The following LPAR3 variants were observed in gnomAD, a reference collection of about 807,000 sequenced individuals.
LPAR3 encodes the protein LPA receptor 3.
In LPAR3, 7 loss-of-function variants were observed where a neutral mutation model predicts 17.8. The observed-to-expected ratio is 0.39, with a 90% CI of 0.22 to 0.74. The LOEUF is 0.74. LPAR3 is among the 30% of genes least tolerant of loss of function. The pLI is 0.40. For synonymous variants in LPAR3, 179 were observed against 179.9 expected, an observed-to-expected ratio of 0.99 and a Z score of 0.04; for missense variants, 391 against 453.4, an observed-to-expected ratio of 0.86 and a Z score of 1.25.
rs1206774677 is a variant in LPAR3 at position 84,813,158 on chromosome 1, T to TATATATAGAGAGAGAGAGAGAGAG, written c.*687_*688insCTCTCTCTCTCTCTCTCTATATAT. 2.0e-5 allele frequency: 2 copies of TATATATAGAGAGAGAGAGAGAGAG among 101,678 alleles called. No individual in the cohort carries two copies. Among genetic ancestry groups the TATATATAGAGAGAGAGAGAGAGAG allele is most frequent in the Non-Finnish European group, 4.2e-5 (2 of 47,328 alleles). The allele number at this position is 101,678 out of a possible 1,614,324, so 6.3% of individuals were successfully genotyped here. ...ATATATATATATATATATATATATA[T>TATATATAGAGAGAGAGAGAGAGAG]AGACACACACACACACACACACACA... On this transcript the variant is annotated 3_prime_UTR_variant, in exon 3 of 3. Transcript: ENST00000370611.
At chr1:84,889,930 T>C (rs1660523091) in intron 1 of LPAR3, among the ~76,000 whole-genome samples, 1 of 152,150 alleles carries the variant, frequency 6.6e-6, no homozygotes, top group Admixed American at 6.5e-5. Context: ...CCCCACTATA[T>C]AAATGAAAAA....
At chr1:84,817,908 C>A (rs1400996727) in intron 2 of LPAR3, among the ~76,000 whole-genome samples, 1 of 152,084 alleles carries the variant, frequency 6.6e-6, no homozygotes, top group African/African-American at 2.4e-5. Context: ...CCTTGAAGTC[C>A]AGAGGTACCC....
At chr1:84,858,497 A>C (rs954190299) in intron 2 of LPAR3, among the ~76,000 whole-genome samples, 10 of 149,758 alleles carry the variant, frequency 6.7e-5, no homozygotes, top group South Asian at 2.1e-4. Context: ...AAAAAAAAAA[A>C]AAAAAAACCT....
chr1:84,843,975 A>G (rs891637888), intron 2 of LPAR3, among the ~76,000 whole-genome samples: 1 of 152,064 alleles, frequency 6.6e-6, no homozygotes, highest in African/African-American at 2.4e-5. Flanking sequence ...TACCACCCTT[A>G]TCTCTCTCCC....
At chr1:84,879,316 C>CTTTT (rs1187756554) in intron 1 of LPAR3, among the ~76,000 whole-genome samples, 1 of 120,618 alleles carries the variant, frequency 8.3e-6, no homozygotes, top group African/African-American at 3.5e-5. Context: ...TTTCTTTTTT[C>CTTTT]TTTTTTTTTT....
intron 2 of LPAR3, among the ~76,000 whole-genome samples, chr1:84,828,108 A>ATC (rs1004998898): frequency 2.6e-5 from 4 of 151,578 alleles, no homozygotes; most frequent in Admixed American, 6.6e-5. Flanking sequence ...AAACACATTC[A>ATC]TCTCTCTCTC....
At chr1:84,883,720 TG>T (rs1204343309) in intron 1 of LPAR3, among the ~76,000 whole-genome samples, 22 of 151,810 alleles carry the variant, frequency 1.4e-4, no homozygotes, top group African/African-American at 2.7e-4. Flanking sequence ...GGGATTTTTT[TG>T]TTTTTTTTTT....
At chr1:84,816,617 G>A (rs1014212356) in intron 2 of LPAR3, among the ~76,000 whole-genome samples, 2 of 152,052 alleles carry the variant, frequency 1.3e-5, no homozygotes, top group African/African-American at 2.4e-5. Context: ...GGCCAACATG[G>A]TGAAACCCTG....
chr1:84,855,911 A>G (rs976203776), intron 2 of LPAR3, among the ~76,000 whole-genome samples: 5 of 152,250 alleles, frequency 3.3e-5, no homozygotes, highest in African/African-American at 9.6e-5. Context: ...AGAGGTGTCA[A>G]GATGGCATTT....
At chr1:84,840,068 G>C (rs923365071) in intron 2 of LPAR3, among the ~76,000 whole-genome samples, 4 of 151,790 alleles carry the variant, frequency 2.6e-5, no homozygotes, top group African/African-American at 9.7e-5. Context: ...GACCACAGGT[G>C]TGTGCCACCA....
At chr1:84,837,047 C>T (rs1323400583) in intron 2 of LPAR3, among the ~76,000 whole-genome samples, 4 of 128,752 alleles carry the variant, frequency 3.1e-5, no homozygotes, top group Admixed American at 8.7e-5. Flanking sequence ...TTTTTTGAGA[C>T]GGAGTCTCGC....
At position 84,874,266 on chromosome 1, in the gene LPAR3, A is replaced by T. The variant is rs550665416; in HGVS notation, c.-18-8128T>A. Among the ~76,000 whole-genome samples the T allele has an allele frequency of 2.7e-3, 410 of 152,346 alleles. 2 individuals are homozygous for T. The highest frequency in any genetic ancestry group is 6.8e-3 in the Middle Eastern group (2 of 294). ...TCATCTTCAGCTCAGAGATGGTGAC[A>T]CGCAGGGAAAACTGCAGCCTGAGCT... On this transcript the variant is annotated intron_variant, in intron 1 of 2. Transcript: ENST00000370611.
At chr1:84,852,051 A>AT (rs11289460) in intron 2 of LPAR3, among the ~76,000 whole-genome samples, 47 of 132,680 alleles carry the variant, frequency 3.5e-4, no homozygotes, top group Admixed American at 4.5e-4. Context: ...TTGGTGACTA[A>AT]TTTTTTTTTT....
At position 84,865,921 on chromosome 1, in the gene LPAR3, T is replaced by C; in HGVS notation, c.200A>G (p.Tyr67Cys). ...KNRKFHFPFY[Y>C]LLANLAAADF... ...GGCAGCAGCTAAATTAGCCAACAGG[T>C]AGTAGAAGGGGAAATGAAATTTTCT... is the stretch of plus-strand genomic sequence containing the variant. Residue 67 changes from tyrosine (Y) to cysteine (C), a missense_variant, in exon 2 of 3, where the codon TAC (tyrosine) becomes TGC (cysteine). Transcript: ENST00000370611. 6.2e-7 allele frequency: 1 copy of C among 1,613,620 alleles called. No individual in the cohort carries two copies. The highest frequency in any genetic ancestry group is 8.5e-7 in the Non-Finnish European group (1 of 1,179,932).
At chr1:84,886,669 AT>A (rs747452071) in intron 1 of LPAR3, among the ~76,000 whole-genome samples, 2 of 152,256 alleles carry the variant, frequency 1.3e-5, no homozygotes, top group Non-Finnish European at 2.9e-5. Context: ...CATTACATCT[AT>A]GTTTATCAAG....
At chr1:84,816,974 GCTTT>G (rs1426643924) in intron 2 of LPAR3, among the ~76,000 whole-genome samples, 1 of 152,078 alleles carries the variant, frequency 6.6e-6, no homozygotes, top group Non-Finnish European at 1.5e-5. Context: ...GACAGTTAAC[GCTTT>G]CTGTCTTTCT....
At chr1:84,821,085 CT>C (rs67024653) in intron 2 of LPAR3, among the ~76,000 whole-genome samples, 11,490 of 136,382 alleles carry the variant, frequency 0.084, 431 homozygotes, top group East Asian at 0.1. Flanking sequence ...GTGGGTACTG[CT>C]TTTTTTTTTT....
At chr1:84,828,546 C>A (rs1188825880) in intron 2 of LPAR3, among the ~76,000 whole-genome samples, 8 of 152,154 alleles carry the variant, frequency 5.3e-5, no homozygotes, top group African/African-American at 1.9e-4. Flanking sequence ...AGTGCTCAAT[C>A]CCAAGAATAT....
In LPAR3 at chr1:84,893,155, G is replaced by T. The variant is rs190901717; in HGVS notation, c.-158C>A. 3.9e-5 allele frequency: 6 copies of T among 152,112 alleles called. No individual in the cohort carries two copies. The highest frequency in any genetic ancestry group is 1.2e-4 in the African/African-American group (5 of 41,444). The allele number at this position is 152,112 out of a possible 1,614,324, so 9.4% of individuals were successfully genotyped here. A position where few individuals can be genotyped will look rare whatever the true frequency, so the allele number is the denominator to read the frequency against. Reference sequence around the variant, plus strand: ...AGAAGCAGCGGAGGACGCGGCGGGCGGGCGGAGCGCCTCCTCTCCAGCGAC... The same window carrying T: ...AGAAGCAGCGGAGGACGCGGCGGGCTGGCGGAGCGCCTCCTCTCCAGCGAC... On this transcript the variant is annotated 5_prime_UTR_variant, in exon 1 of 3. Coordinates refer to ENST00000370611, the MANE Select transcript of LPAR3 (RefSeq NM_012152.3).
Sources: gnomAD v4.1 joint callset for allele counts (sites outside exome capture counted in the v4.1 genomes callset) on GRCh38, gnomAD v4.1.1 for gene constraint, MANE v1.5 for transcripts, NCBI Gene and HGNC (gene_info 2026-07-23, HGNC 2026-07-21) for gene names.